ARID1B: variants seen among roughly 807,000 people sequenced by gnomAD.
ARID1B encodes AT-rich interaction domain 1B.
Under a neutral mutation model 212.3 loss-of-function variants are expected in ARID1B, and 30 were observed. The observed-to-expected ratio is 0.14, with a 90% confidence interval of 0.11 to 0.19. ARID1B has a LOEUF of 0.19. ARID1B is among the 10% of genes least tolerant of loss of function. The pLI is 1.00. For synonymous variants in ARID1B, 1,402 were observed against 1,301.7 expected, an observed-to-expected ratio of 1.08 and a Z score of -1.66; for missense variants, 2,891 against 3,204.0, an observed-to-expected ratio of 0.90 and a Z score of 2.36.
At chr6:156,833,530 A>G (rs1417523764) in intron 2 of ARID1B, among the ~76,000 whole-genome samples, 2 of 152,158 alleles carry the variant, frequency 1.3e-5, no homozygotes, top group African/African-American at 4.8e-5. Context: ...GAATTATAAA[A>G]CAGGGCAAAA....
At chr6:156,832,671 A>G (rs1783224965) in intron 2 of ARID1B, among the ~76,000 whole-genome samples, 1 of 152,176 alleles carries the variant, frequency 6.6e-6, no homozygotes, top group Admixed American at 6.5e-5. Flanking sequence ...CTCCTGTGAT[A>G]TGAATTTTAA....
rs56144745 is a variant in ARID1B, at chr6:156,788,785, A to G, written c.1791+9314A>G. Among the ~76,000 whole-genome samples the G allele has an allele frequency of 9.4e-3, 1,439 of 152,332 alleles. 23 individuals carry two copies. The highest frequency in any genetic ancestry group is 0.032 in the African/African-American group (1,349 of 41,570). On this transcript the variant is annotated intron_variant, in intron 1 of 19. Transcript: ENST00000636930. ...CTAAGAGTACCGGGGTCCTCCCTCA[A>G]ATATATAAAGAGCAATTTTTTTTAA...
intron 4 of ARID1B, among the ~76,000 whole-genome samples, chr6:157,028,379 AAAT>A (rs1205049653): frequency 4.6e-5 from 7 of 152,352 alleles, no homozygotes; most frequent in African/African-American, 9.6e-5. Flanking sequence ...AATCATGTAG[AAAT>A]AATAATGTAA....
intron 13 of ARID1B, among the ~76,000 whole-genome samples, chr6:157,187,914 C>G (rs187582268): frequency 1.3e-5 from 2 of 151,912 alleles, no homozygotes; most frequent in East Asian, 3.9e-4. Context: ...GCCTGAATTT[C>G]GAAAGCAAGT....
chr6:156,839,838 G>GA (rs1783770055), intron 2 of ARID1B, among the ~76,000 whole-genome samples: 1 of 152,188 alleles, frequency 6.6e-6, no homozygotes, highest in Admixed American at 6.5e-5. Flanking sequence ...CACTGCTGCT[G>GA]AAAGCCACCA....
intron 5 of ARID1B, among the ~76,000 whole-genome samples, chr6:157,093,316 T>C (rs1785399858): frequency 6.6e-6 from 1 of 152,220 alleles, no homozygotes; most frequent in Admixed American, 6.5e-5. Context: ...AACCATTTTA[T>C]AGAGAGTGTT....
At chr6:157,180,823 G>T in intron 11 of ARID1B, 146 bp from the exon 12 acceptor site, 2 of 648,412 alleles carry the variant, frequency 3.1e-6, no homozygotes, top group Admixed American at 2.9e-5. Context: ...TGAACTAGTA[G>T]CCTTCATTCC....
At chr6:156,823,102 T>C (rs1200050620) in intron 1 of ARID1B, among the ~76,000 whole-genome samples, 1 of 152,220 alleles carries the variant, frequency 6.6e-6, no homozygotes, top group Non-Finnish European at 1.5e-5. Flanking sequence ...TGCATCAGTA[T>C]TGAAGAAATG....
At chr6:157,137,379 GTGTT>G (rs1258695917) in intron 7 of ARID1B, among the ~76,000 whole-genome samples, 1 of 152,158 alleles carries the variant, frequency 6.6e-6, no homozygotes, top group East Asian at 1.9e-4. Context: ...CCCTTGCAAA[GTGTT>G]TGCAAGGAAA....
chr6:157,190,205 G>A lies in ARID1B; in HGVS notation c.4226G>A (p.Arg1409Lys). 1 of 1,611,362 alleles carries A rather than the reference G, an allele frequency of 6.2e-7. No individual in the cohort carries two copies. Among genetic ancestry groups the A allele is most frequent in the South Asian group, 1.1e-5 (1 of 90,878 alleles). The change falls in exon 15 of 20, where the codon AGA becomes AAA. Residue 1409 changes from arginine to lysine, a missense_variant. Coordinates refer to ENST00000636930, the MANE Select transcript of ARID1B (RefSeq NM_001374828.1). The surrounding 1 kb of genome is among the most constrained non-coding windows in gnomAD (Gnocchi z 4.6). ...AACAAGGACCCCTTTGGGGGAATGA[G>A]AAAAGGTACGTGTAGAGGGGCCTCC... ...EPNKDPFGGM[R>K]KVPGSSEPFM...
At chr6:157,041,963 T>TC (rs1490731340) in intron 4 of ARID1B, among the ~76,000 whole-genome samples, 1 of 152,176 alleles carries the variant, frequency 6.6e-6, no homozygotes, top group Admixed American at 6.5e-5. Flanking sequence ...ATGGACTTCT[T>TC]CCTTGGCACA....
At chr6:157,141,354 A>G (rs1244747730) in intron 7 of ARID1B, 2 of 152,238 alleles carry the variant, frequency 1.3e-5, no homozygotes, top group Non-Finnish European at 2.9e-5. Flanking sequence ...CTTCTTTTAC[A>G]CACTTTGTGT....
chr6:157,183,182 T>G (rs367549226), intron 12 of ARID1B, among the ~76,000 whole-genome samples: 36 of 152,304 alleles, frequency 2.4e-4, no homozygotes, highest in South Asian at 8.3e-4. Flanking sequence ...CCAGCCTTCC[T>G]TCTTAGGTCA....
chr6:157,136,276 G>T (rs545686380), intron 7 of ARID1B, among the ~76,000 whole-genome samples: 1 of 152,182 alleles, frequency 6.6e-6, no homozygotes, highest in Non-Finnish European at 1.5e-5. Context: ...TTAACGGGAA[G>T]CCCTCTGAGG....
At chr6:157,137,359 A>G (rs531953819) in intron 7 of ARID1B, among the ~76,000 whole-genome samples, 9 of 152,326 alleles carry the variant, frequency 5.9e-5, no homozygotes, top group Admixed American at 1.3e-4. Flanking sequence ...AGCACATGTA[A>G]TAATAACTAC....
intron 8 of ARID1B, among the ~76,000 whole-genome samples, chr6:157,165,849 C>CA (rs961902014): frequency 5.1e-4 from 78 of 151,680 alleles, no homozygotes; most frequent in South Asian, 1.7e-3. Flanking sequence ...GACCCTGTCT[C>CA]AAAAAAACAT....
chr6:156,817,869 G>C (rs768113392), intron 1 of ARID1B, among the ~76,000 whole-genome samples: 3 of 151,620 alleles, frequency 2.0e-5, no homozygotes, highest in Admixed American at 6.6e-5. Flanking sequence ...TATACATTCC[G>C]CTTCTTTACT....
chr6:156,986,754 C>T (rs1007149858), intron 4 of ARID1B, among the ~76,000 whole-genome samples: 1 of 151,966 alleles, frequency 6.6e-6, no homozygotes. Flanking sequence ...TTTTTTAAGG[C>T]CAATGCTACC....
chr6:156,836,778 C>T (rs1051015043), intron 2 of ARID1B, among the ~76,000 whole-genome samples: 1 of 152,186 alleles, frequency 6.6e-6, no homozygotes, highest in African/African-American at 2.4e-5. Context: ...GATTCTCTCA[C>T]CTCAGCCTCC....
Sources: gnomAD v4.1 joint callset for allele counts (sites outside exome capture counted in the v4.1 genomes callset) on GRCh38, gnomAD v4.1.1 for gene constraint, Gnocchi (gnomAD v3.1) non-coding constraint, MANE v1.5 for transcripts, NCBI Gene and HGNC (gene_info 2026-07-23, HGNC 2026-07-21) for gene names.